Variants in THADA observed in about 807,000 individuals in gnomAD.
THADA encodes the protein THADA armadillo repeat containing, also known as tRNA (32-2'-O)-methyltransferase regulator THADA.
A neutral mutation model predicts 219.8 loss-of-function variants in THADA; 213 were observed. The ratio of observed to expected loss-of-function variants is 0.97; its 90% confidence interval spans 0.87 to 1.09. The LOEUF (loss-of-function observed/expected upper bound fraction) is 1.09. THADA is among the 50% of genes least tolerant of loss of function. The pLI is 0.00. For synonymous variants in THADA, 1,018 were observed against 828.9 expected (o/e 1.23, Z -3.92); for missense variants, 2,956 against 2,311.3 (o/e 1.28, Z -5.72).
Position 43,510,990 on chromosome 2 carries a change from T to A in THADA, c.3375-2210A>T, listed in dbSNP as rs573024451. Among the ~76,000 whole-genome samples, 123 of 140,862 alleles carry A rather than the reference T, an allele frequency of 8.7e-4. 1 individual carries two copies. The highest frequency in any genetic ancestry group is 3.5e-3 in the Middle Eastern group (1 of 282). The allele number at this position is 140,862 out of a possible 152,430, so 92.4% of individuals were successfully genotyped here. ...CATCTCAAAAAAAACTAAAAAAATT[T>A]AAAAAAAAAAAAGCAAAAATTTTTT... On this transcript the variant is annotated intron_variant, in intron 22 of 37. Coordinates refer to ENST00000405975, the MANE Select transcript of THADA (RefSeq NM_022065.5).
At chr2:43,401,121 C>T (rs1387638514) in intron 28 of THADA, among the ~76,000 whole-genome samples, 1 of 152,184 alleles carries the variant, frequency 6.6e-6, no homozygotes, top group East Asian at 1.9e-4. Flanking sequence ...ATGTTCTAGG[C>T]CTGAATACTA....
chr2:43,298,825 G>A (rs1675906634), intron 31 of THADA, among the ~76,000 whole-genome samples: 1 of 152,178 alleles, frequency 6.6e-6, no homozygotes, highest in South Asian at 2.1e-4. Flanking sequence ...ATGCTGATGA[G>A]TGTAATGAAG....
At chr2:43,426,244 C>T (rs1209514438) in intron 28 of THADA, among the ~76,000 whole-genome samples, 2 of 152,124 alleles carry the variant, frequency 1.3e-5, no homozygotes, top group East Asian at 1.9e-4. Flanking sequence ...TGGAAAGGTA[C>T]TTTCAGGTAC....
In THADA at chr2:43,230,876, T is replaced by C; in HGVS notation, c.*72A>G. On this transcript the variant is annotated 3_prime_UTR_variant, in exon 38 of 38. Transcript: ENST00000405975. ...TGGGATAAAATTTTTGAATTTATGT[T>C]CAACATGTTTCCTGCAGATTTAGTG... The C allele has an allele frequency of 6.7e-7, 1 of 1,499,664 alleles. No homozygotes were observed. The highest frequency in any genetic ancestry group is 8.9e-7 in the Non-Finnish European group (1 of 1,120,948). The allele number at this position is 1,499,664 out of a possible 1,614,324, so 92.9% of individuals were successfully genotyped here.
chr2:43,439,434 G>A (rs1358426383), intron 26 of THADA, among the ~76,000 whole-genome samples: 1 of 152,080 alleles, frequency 6.6e-6, no homozygotes, highest in Non-Finnish European at 1.5e-5. Flanking sequence ...ACTCCATTCT[G>A]CCCAGGATGT....
intron 28 of THADA, among the ~76,000 whole-genome samples, chr2:43,422,018 C>T (rs1392455703): frequency 1.3e-5 from 2 of 152,204 alleles, no homozygotes; most frequent in Non-Finnish European, 2.9e-5. Flanking sequence ...TTCACCTATT[C>T]TGAAATAAGG....
intron 26 of THADA, among the ~76,000 whole-genome samples, chr2:43,462,469 TTTTGG>T (rs1422972712): frequency 6.6e-6 from 1 of 152,194 alleles, no homozygotes; most frequent in Non-Finnish European, 1.5e-5. Context: ...GGAGGCTACC[TTTTGG>T]TTTGATGTTT....
intron 19 of THADA, 70 bp downstream of exon 19, chr2:43,551,719 A>G (rs186507292): frequency 1.8e-4 from 52 of 296,636 alleles, no homozygotes; most frequent in South Asian, 3.8e-4. Context: ...ATACTTGGGG[A>G]AAAAAAAAAA....
chr2:43,445,665 G>A (rs1022342592), intron 26 of THADA, among the ~76,000 whole-genome samples: 1 of 152,086 alleles, frequency 6.6e-6, no homozygotes, highest in Non-Finnish European at 1.5e-5. Context: ...TAGGATTTTT[G>A]GACTTTTTTT....
chr2:43,468,430 T>C (rs750154320), intron 26 of THADA, among the ~76,000 whole-genome samples: 2 of 152,168 alleles, frequency 1.3e-5, no homozygotes, highest in Non-Finnish European at 1.5e-5. Flanking sequence ...CTAACTCCAT[T>C]TGGCTGAATA....
chr2:43,403,095 G>T (rs1343565560), intron 28 of THADA, among the ~76,000 whole-genome samples: 1 of 152,178 alleles, frequency 6.6e-6, no homozygotes, highest in Non-Finnish European at 1.5e-5. Context: ...ATTTTAAGAT[G>T]AACAGAGTGA....
chr2:43,585,069 A>G (rs1188602609), intron 7 of THADA, among the ~76,000 whole-genome samples: 1 of 152,174 alleles, frequency 6.6e-6, no homozygotes, highest in East Asian at 1.9e-4. Flanking sequence ...AAGCAAAAAG[A>G]TTTAAACGTA....
chr2:43,427,145 GCATTAC>G (rs1678547672), intron 28 of THADA, among the ~76,000 whole-genome samples: 1 of 152,122 alleles, frequency 6.6e-6, no homozygotes, highest in African/African-American at 2.4e-5. Context: ...ATGCCACATG[GCATTAC>G]CATTTACATG....
At chr2:43,281,715 G>A (rs1020978554) in intron 35 of THADA, among the ~76,000 whole-genome samples, 2 of 151,976 alleles carry the variant, frequency 1.3e-5, no homozygotes, top group African/African-American at 4.8e-5. Context: ...GGGATTACAG[G>A]CATGAGCCAC....
chr2:43,533,109 T>C (rs1398077926), intron 21 of THADA, among the ~76,000 whole-genome samples: 3 of 152,270 alleles, frequency 2.0e-5, no homozygotes, highest in South Asian at 4.1e-4. Context: ...CAAAAGAAGA[T>C]ATTTATGCAG....
At chr2:43,513,723 C>A (rs2103616413) in intron 22 of THADA, among the ~76,000 whole-genome samples, 1 of 152,186 alleles carries the variant, frequency 6.6e-6, no homozygotes, top group South Asian at 2.1e-4. Context: ...CCATCATAGC[C>A]AGTGAGCCAA....
chr2:43,437,039 A>G (rs1680208412), intron 26 of THADA, among the ~76,000 whole-genome samples: 1 of 152,172 alleles, frequency 6.6e-6, no homozygotes, highest in South Asian at 2.1e-4. Flanking sequence ...AGCTTCCCAG[A>G]GATATAAGCA....
intron 7 of THADA, among the ~76,000 whole-genome samples, chr2:43,582,614 G>A (rs1413453001): frequency 7.6e-6 from 1 of 130,734 alleles, no homozygotes; most frequent in Non-Finnish European, 1.6e-5. Context: ...CTGTCACCCA[G>A]GCTGGAGTGC....
intron 36 of THADA, among the ~76,000 whole-genome samples, chr2:43,267,990 G>A (rs1250277885): frequency 6.6e-6 from 1 of 152,208 alleles, no homozygotes; most frequent in Non-Finnish European, 1.5e-5. Context: ...TACTTCAGCT[G>A]GAGGTGAGGA....
Sources: gnomAD v4.1 joint callset for allele counts (sites outside exome capture counted in the v4.1 genomes callset) on GRCh38, gnomAD v4.1.1 for gene constraint, MANE v1.5 for transcripts, NCBI Gene and HGNC (gene_info 2026-07-23, HGNC 2026-07-21) for gene names.